Variants in COL4A4 observed in about 807,000 individuals in gnomAD.
COL4A4 encodes the protein collagen type IV alpha 4 chain.
COL4A4 carries 105 observed loss-of-function variants against 192.9 expected under a neutral mutation model. The observed-to-expected ratio is 0.54, with a 90% CI of 0.46 to 0.64. The LOEUF is 0.64. Ranked by LOEUF, COL4A4 falls within the 30% of genes least tolerant of loss-of-function variation. The pLI, the probability that COL4A4 is intolerant of heterozygous loss-of-function variation, is 0.00. For missense variants in COL4A4, 1,967 were observed against 2,169.3 expected, an observed-to-expected ratio of 0.91 and a Z score of 1.85; for synonymous variants, 762 against 769.9, an observed-to-expected ratio of 0.99 and a Z score of 0.17.
At chr2:226,993,303 T>G in the COL4A4 span, among the ~76,000 whole-genome samples, 3 of 152,222 alleles carry the variant, frequency 2.0e-5, no homozygotes, top group Non-Finnish European at 4.4e-5. Flanking sequence ...CCCTGTGGCC[T>G]GGAGTCAGGG....
At chr2:227,100,468 T>C (rs929919632) in intron 17 of COL4A4, among the ~76,000 whole-genome samples, 3 of 152,068 alleles carry the variant, frequency 2.0e-5, no homozygotes, top group African/African-American at 7.2e-5. Context: ...ATGATAAAAA[T>C]AATAAAACAA....
At chr2:227,021,874 G>C (rs904648088) in intron 44 of COL4A4, among the ~76,000 whole-genome samples, 174 bp downstream of exon 44, 26 of 152,126 alleles carry the variant, frequency 1.7e-4, no homozygotes, top group Admixed American at 1.0e-3. Flanking sequence ...TGTGGATCCA[G>C]TTAGCCCATG....
intron 37 of COL4A4, among the ~76,000 whole-genome samples, chr2:227,037,884 T>G (rs557753684): frequency 6.2e-4 from 94 of 152,354 alleles, no homozygotes; most frequent in African/African-American, 2.2e-3. Context: ...CGCATAAATG[T>G]CTTTTTGAGA....
In COL4A4 at chr2:227,022,375, G is replaced by C. The variant is rs1362272001; in HGVS notation, c.4091-202C>G. On this transcript the variant is annotated intron_variant, in intron 43 of 47. Coordinates refer to ENST00000396625, the MANE Select transcript of COL4A4 (RefSeq NM_000092.5). ...GCAGAAATTTGTCTTATGCCCTGGA[G>C]GGTACATGAAAAAATTCCAGAATGT... The C allele has an allele frequency of 5.0e-6, 4 of 802,644 alleles. No homozygotes were observed. The East Asian group carries it at 1.0e-4, about 20-fold the overall frequency. The allele number at this position is 802,644 out of a possible 1,614,324, so 49.7% of individuals were successfully genotyped here.
At chr2:227,126,745 T>G (rs970477296) in intron 4 of COL4A4, among the ~76,000 whole-genome samples, 2 of 152,246 alleles carry the variant, frequency 1.3e-5, no homozygotes, top group African/African-American at 2.4e-5. Context: ...AACACCAATC[T>G]TTGAAATAGT....
rs1467509378 is a variant in COL4A4 at position 227,041,770 on chromosome 2, G to A, written c.3505+378C>T. On this transcript the variant is annotated intron_variant, in intron 37 of 47. Coordinates refer to ENST00000396625, the MANE Select transcript of COL4A4 (RefSeq NM_000092.5). Reference sequence around the variant, plus strand: ...AGGAAGGAAGGAAGGAAGGAAGGAAGGAAGGAAGGAAGGAAGGGAAAGAAA... The same window carrying A: ...AGGAAGGAAGGAAGGAAGGAAGGAAAGAAGGAAGGAAGGAAGGGAAAGAAA... 1.3e-3 allele frequency among the ~76,000 whole-genome samples: 143 copies of A among 106,046 alleles called. 7 individuals are homozygous for A. Among genetic ancestry groups the A allele is most frequent in the African/African-American group, 4.0e-3 (95 of 23,646 alleles). 69.6% of individuals were successfully genotyped at this position (106,046 alleles called of 152,430 possible).
At chr2:226,976,692 G>A in the COL4A4 span, among the ~76,000 whole-genome samples, 2 of 152,138 alleles carry the variant, frequency 1.3e-5, no homozygotes, top group African/African-American at 2.4e-5. Context: ...GAGAAGGGAG[G>A]GTTAGGAGTA....
chr2:227,026,051 A>T (rs944579808), intron 42 of COL4A4, among the ~76,000 whole-genome samples: 1 of 152,090 alleles, frequency 6.6e-6, no homozygotes, highest in Non-Finnish European at 1.5e-5. Flanking sequence ...AATGACTTGA[A>T]ACTCTCTTGA....
chr2:227,062,974 T>C (rs190333752), intron 25 of COL4A4, among the ~76,000 whole-genome samples: 1 of 152,318 alleles, frequency 6.6e-6, no homozygotes, highest in African/African-American at 2.4e-5. Flanking sequence ...TCTAACACAA[T>C]AGAATGAGAA....
intron 4 of COL4A4, among the ~76,000 whole-genome samples, chr2:227,121,567 AAAAAAAAAAG>A (rs1559679171): frequency 7.5e-6 from 1 of 133,250 alleles, no homozygotes; most frequent in Non-Finnish European, 1.7e-5. Flanking sequence ...ATCTCAAAAA[AAAAAAAAAAG>A]AAAAGAAAAG....
At chr2:226,989,415 C>G in the COL4A4 span, among the ~76,000 whole-genome samples, 2 of 152,094 alleles carry the variant, frequency 1.3e-5, no homozygotes, top group African/African-American at 4.8e-5. Context: ...CTTGTGGTGG[C>G]TTATAAGTGC....
At chr2:226,995,590 CTAATTCATTT>C in the COL4A4 span, 4 of 1,076,730 alleles carry the variant, frequency 3.7e-6, no homozygotes, top group African/African-American at 3.1e-5. Context: ...CCCCAAGCCC[CTAATTCATTT>C]TAATTCATTT....
At chr2:227,045,935 G>T (rs1309077258) in intron 35 of COL4A4, among the ~76,000 whole-genome samples, 4 of 84,244 alleles carry the variant, frequency 4.7e-5, no homozygotes, top group African/African-American at 2.4e-4. Flanking sequence ...ATGTATATAT[G>T]TATATATGTA....
chr2:227,094,237 T>C lies in COL4A4; in HGVS notation c.1257A>G (p.Pro419=). Residue 419 remains proline (P), a synonymous_variant, in exon 20 of 48, where the codon CCA becomes CCG. Transcript: ENST00000396625. The stretch of plus-strand genomic sequence containing the variant: ...GTCTCCCAGGAATACCAGCTTCTCC[T>C]GGAAGCCCAGGAAGACCAGGAAATC... ...PQGFPGLPGL[P]GEAGIPGRPD... 1.2e-6 allele frequency: 2 copies of C among 1,613,852 alleles called. No individual in the cohort carries two copies. The highest frequency in any genetic ancestry group is 1.7e-6 in the Non-Finnish European group (2 of 1,179,940).
chr2:226,970,498 G>A, the COL4A4 span, among the ~76,000 whole-genome samples: 5 of 152,052 alleles, frequency 3.3e-5, no homozygotes, highest in African/African-American at 9.7e-5. Flanking sequence ...TTTGTCCATC[G>A]TGAACATCTG....
At chr2:227,038,160 G>T (rs542318859) in intron 37 of COL4A4, among the ~76,000 whole-genome samples, 40 of 152,278 alleles carry the variant, frequency 2.6e-4, no homozygotes, top group Middle Eastern at 6.8e-3. Context: ...GTCCTGAATG[G>T]TACTGTCTAG....
chr2:227,029,275 G>C, intron 41 of COL4A4, among the ~76,000 whole-genome samples: 2 of 152,320 alleles, frequency 1.3e-5, no homozygotes, highest in South Asian at 4.1e-4. Context: ...TAACTAAGGA[G>C]GAGGAGTGTT....
Position 227,121,142 on chromosome 2 carries a change from G to A in COL4A4, c.199C>T (p.Pro67Ser), listed in dbSNP as rs755183371. 12 of 1,614,044 alleles carry A rather than the reference G, an allele frequency of 7.4e-6. No individual in the cohort carries two copies. The highest frequency in any genetic ancestry group is 1.6e-4 in the Middle Eastern group (1 of 6,062). ...CVPEKGSRGPPGPPGPQGPIG... is the reference protein window; with the variant it reads ...CVPEKGSRGPSGPPGPQGPIG... ...GGACCCTGTGGCCCTGGTGGTCCTG[G>A]TGGACCCTGAGAAGGAAGATTAAAA... The change falls in exon 5 of 48, where the codon CCA (proline) becomes TCA (serine). Residue 67 changes from proline (P) to serine (S), a missense_variant. Pro to Ser is a moderately conservative substitution (Grantham distance 74). Transcript: ENST00000396625.
intron 42 of COL4A4, 47 bp from the exon 43 acceptor site, chr2:227,025,857 C>A (rs760473528): frequency 6.3e-7 from 1 of 1,591,840 alleles, no homozygotes; most frequent in Non-Finnish European, 8.6e-7. Flanking sequence ...ATGATTTTCA[C>A]AGGGTGGAAA....
Sources: allele counts gnomAD v4.1 joint callset (sites outside exome capture counted in the v4.1 genomes callset), GRCh38; gene constraint gnomAD v4.1.1; transcripts MANE v1.5; gene names NCBI Gene and HGNC (gene_info 2026-07-23, HGNC 2026-07-21).